Variants in CACNA1A observed in about 807,000 individuals in gnomAD.
The protein encoded by CACNA1A is voltage-dependent P/Q-type calcium channel subunit alpha-1A.
In CACNA1A, 57 loss-of-function variants were observed where a neutral mutation model predicts 262.4. That is an observed-to-expected ratio of 0.22 (90% confidence interval 0.18 to 0.27). CACNA1A has a LOEUF of 0.27. Ranked by LOEUF, CACNA1A falls within the 10% of genes least tolerant of loss-of-function variation. The pLI, the probability that CACNA1A is intolerant of heterozygous loss-of-function variation, is 1.00. For synonymous variants in CACNA1A, 1,431 were observed against 1,419.3 expected, an observed-to-expected ratio of 1.01 and a Z score of -0.18; for missense variants, 2,526 against 3,562.8, an observed-to-expected ratio of 0.71 and a Z score of 7.41.
chr19:13,279,268 A>G (rs553678971), intron 22 of CACNA1A, among the ~76,000 whole-genome samples: 3 of 152,142 alleles, frequency 2.0e-5, no homozygotes, highest in Non-Finnish European at 4.4e-5. Flanking sequence ...GATCTTTTTC[A>G]TCTATTTGAA....
At chr19:13,234,675 C>A in intron 34 of CACNA1A, 1 of 506,746 alleles carries the variant, frequency 2.0e-6, no homozygotes, top group South Asian at 2.4e-5. Context: ...TGGCCACCCC[C>A]ACACCAGAAA....
At chr19:13,459,650 GCCCTT>G (rs2061079607) in intron 1 of CACNA1A, among the ~76,000 whole-genome samples, 4 of 152,178 alleles carry the variant, frequency 2.6e-5, no homozygotes, top group Admixed American at 2.6e-4. Context: ...GCAACGCCAA[GCCCTT>G]CCCTGGTCTC....
chr19:13,260,337 TG>T (rs199555390), intron 26 of CACNA1A: 35,341 of 142,770 alleles, frequency 0.25, 5,010 homozygotes, highest in Non-Finnish European at 0.33. Context: ...TATATATTTT[TG>T]TTGTTGTTGT....
At chr19:13,262,676 C>T (rs2056763751) in intron 25 of CACNA1A, 58 bp downstream of exon 25, 4 of 1,043,632 alleles carry the variant, frequency 3.8e-6, no homozygotes. Flanking sequence ...ACCTGCTCAG[C>T]TGTACATGAT....
In CACNA1A at chr19:13,421,059, A is replaced by C. The variant is rs550593238; in HGVS notation, c.539+31817T>G. Among the ~76,000 whole-genome samples the C allele has an allele frequency of 9.7e-4, 148 of 152,278 alleles. 1 individual carries two copies. The highest frequency in any genetic ancestry group is 1.7e-3 in the Non-Finnish European group (113 of 68,024). ...GACAGCTGCCACTTTTGGGTCTGAG[A>C]CTTCAGAAATTCAAGGTCTGCCTAT... On this transcript the variant is annotated intron_variant, in intron 3 of 46. Coordinates refer to ENST00000360228, the MANE Select transcript of CACNA1A (RefSeq NM_001127222.2).
chr19:13,503,312 T>C (rs900893717), intron 1 of CACNA1A, among the ~76,000 whole-genome samples: 1 of 152,100 alleles, frequency 6.6e-6, no homozygotes, highest in Non-Finnish European at 1.5e-5. Flanking sequence ...GGAGGGGGAC[T>C]TCCAGGGCAC....
intron 44 of CACNA1A, among the ~76,000 whole-genome samples, chr19:13,210,230 C>A (rs2054754023): frequency 6.6e-6 from 1 of 152,190 alleles, no homozygotes; most frequent in South Asian, 2.1e-4. Flanking sequence ...CTCCCAGGGT[C>A]CAGCCCAGCT....
At chr19:13,490,934 AGAAAG>A (rs1361383781) in intron 1 of CACNA1A, among the ~76,000 whole-genome samples, 5 of 148,292 alleles carry the variant, frequency 3.4e-5, no homozygotes, top group Admixed American at 1.3e-4. Context: ...GGAGGGAAAG[AGAAAG>A]GAAAGGAAGG....
At chr19:13,428,479 C>T (rs114896771) in intron 3 of CACNA1A, among the ~76,000 whole-genome samples, 51 of 152,278 alleles carry the variant, frequency 3.3e-4, no homozygotes, top group African/African-American at 1.2e-3. Context: ...TTCCTTTTTA[C>T]CTGCCAATAT....
At chr19:13,291,834 G>T (rs974997340) in intron 19 of CACNA1A, among the ~76,000 whole-genome samples, 2 of 151,734 alleles carry the variant, frequency 1.3e-5, no homozygotes, top group African/African-American at 2.4e-5. Flanking sequence ...GGGCCCATTG[G>T]GGGTACCGTA....
rs191204437 is a variant in CACNA1A at position 13,462,703 on chromosome 19, G to T, written c.294-7491C>A. ...AACAAATTTTCAAGGTCACATAGGAGGTACTGGCAGAGCTGGGGCTCACAC... is the reference window on the plus strand; with the variant it reads ...AACAAATTTTCAAGGTCACATAGGATGTACTGGCAGAGCTGGGGCTCACAC... On this transcript the variant is annotated intron_variant, in intron 1 of 46. Coordinates refer to ENST00000360228, the MANE Select transcript of CACNA1A (RefSeq NM_001127222.2). Among the ~76,000 whole-genome samples the T allele has an allele frequency of 7.9e-4, 120 of 152,330 alleles. 1 individual carries two copies. Among genetic ancestry groups the T allele is most frequent in the Admixed American group, 2.9e-3 (44 of 15,294 alleles).
chr19:13,484,459 T>C (rs982054414), intron 1 of CACNA1A, among the ~76,000 whole-genome samples: 12 of 151,804 alleles, frequency 7.9e-5, no homozygotes, highest in Non-Finnish European at 8.8e-5. Flanking sequence ...GAAACAGAGA[T>C]AGAGAGAGGG....
chr19:13,347,599 G>A (rs919987097), intron 6 of CACNA1A, among the ~76,000 whole-genome samples: 6 of 152,198 alleles, frequency 3.9e-5, no homozygotes, highest in African/African-American at 1.4e-4. Context: ...CGCTACAGGA[G>A]CAGATTGAGT....
intron 6 of CACNA1A, among the ~76,000 whole-genome samples, chr19:13,345,894 T>C (rs992702496): frequency 1.0e-5 from 1 of 98,998 alleles, no homozygotes; most frequent in Non-Finnish European, 1.9e-5. Flanking sequence ...GTTCACGAAG[T>C]CTTTTTTTTT....
At chr19:13,439,229 C>T (rs1245128667) in intron 3 of CACNA1A, among the ~76,000 whole-genome samples, 2 of 151,076 alleles carry the variant, frequency 1.3e-5, no homozygotes, top group Non-Finnish European at 2.9e-5. Flanking sequence ...CTTCCTCAGC[C>T]TCCCGAGTAG....
At chr19:13,344,858 G>A (rs2058736461) in intron 6 of CACNA1A, among the ~76,000 whole-genome samples, 1 of 152,036 alleles carries the variant, frequency 6.6e-6, no homozygotes, top group Non-Finnish European at 1.5e-5. Flanking sequence ...AGGTTCAAGT[G>A]ATTCTTGTGC....
At chr19:13,447,110 A>C (rs117865744) in intron 3 of CACNA1A, among the ~76,000 whole-genome samples, 1,835 of 152,326 alleles carry the variant, frequency 0.012, 16 homozygotes, top group Non-Finnish European at 0.02. Flanking sequence ...GGAGAAGGGG[A>C]TGTGAAAGGA....
intron 3 of CACNA1A, among the ~76,000 whole-genome samples, chr19:13,398,606 C>T (rs899720536): frequency 1.3e-5 from 2 of 152,192 alleles, no homozygotes; most frequent in South Asian, 4.1e-4. Flanking sequence ...TAGATGCAAG[C>T]TCTGGCTCCC....
chr19:13,471,418 C>T (rs979941591), intron 1 of CACNA1A, among the ~76,000 whole-genome samples: 6 of 152,152 alleles, frequency 3.9e-5, no homozygotes, highest in African/African-American at 1.4e-4. Context: ...GGTAAGGTTA[C>T]CCTAAGAGAC....
Sources: gnomAD v4.1 joint callset for allele counts (sites outside exome capture counted in the v4.1 genomes callset) on GRCh38, gnomAD v4.1.1 for gene constraint, MANE v1.5 for transcripts, NCBI Gene and HGNC (gene_info 2026-07-23, HGNC 2026-07-21) for gene names.